Variants in PLAUR observed in about 807,000 individuals in gnomAD.
The protein encoded by PLAUR is urokinase plasminogen activator surface receptor.
A neutral mutation model predicts 33.4 loss-of-function variants in PLAUR; 22 were observed. The ratio of observed to expected loss-of-function variants is 0.66; its 90% CI spans 0.47 to 0.94. The LOEUF is 0.94. Among genes scored for constraint, PLAUR ranks in the 40% least tolerant of loss-of-function variants. The pLI is 0.00. For missense variants in PLAUR, 408 were observed against 434.7 expected (o/e 0.94, Z 0.55); for synonymous variants, 148 against 167.3 (o/e 0.88, Z 0.89).
chr19:43,653,461 T>G (rs1410075557), intron 5 of PLAUR, among the ~76,000 whole-genome samples: 1 of 152,214 alleles, frequency 6.6e-6, no homozygotes, highest in Non-Finnish European at 1.5e-5. Flanking sequence ...GATATTCATC[T>G]GCAAGGGCCA....
Position 43,651,545 on chromosome 19 carries a change from G to A in PLAUR, c.754+680C>T, listed in dbSNP as rs139730848. Among the ~76,000 whole-genome samples, 1,635 of 150,274 alleles carry A rather than the reference G, an allele frequency of 0.011. 66 individuals are homozygous for A. In the East Asian group the frequency reaches 0.16, roughly 15 times the overall value. On this transcript the variant is annotated intron_variant, in intron 6 of 6. Transcript: ENST00000340093. ...CTCCTCCTGGGTTCAAGTGATTCTC[G>A]TGCCTCAGCCCCCTGAGTAGCTGGG...
chr19:43,647,595 T>C (rs1167576764), downstream of PLAUR, among the ~76,000 whole-genome samples: 1 of 152,036 alleles, frequency 6.6e-6, no homozygotes, highest in East Asian at 1.9e-4. Context: ...TCACCTGAGG[T>C]TGGGAGTTTG....
intron 5 of PLAUR, among the ~76,000 whole-genome samples, chr19:43,652,796 G>A (rs1191085913): frequency 5.3e-5 from 8 of 151,904 alleles, no homozygotes; most frequent in Non-Finnish European, 7.4e-5. Context: ...GACTACAGGC[G>A]TGCACCACCA....
intron 3 of PLAUR, among the ~76,000 whole-genome samples, chr19:43,660,319 C>T (rs1391820472): frequency 7.2e-6 from 1 of 138,544 alleles, no homozygotes; most frequent in Non-Finnish European, 1.5e-5. Flanking sequence ...GTGTGTGCCA[C>T]CATACCCGGC....
At chr19:43,652,170 G>A (rs1974019168) in intron 6 of PLAUR, 55 bp downstream of exon 6, 1 of 1,594,180 alleles carries the variant, frequency 6.3e-7, no homozygotes, top group East Asian at 2.2e-5. Flanking sequence ...TCAATCTCTT[G>A]CGGAACTCTC....
At chr19:43,658,811 CT>C (rs1974314561) in intron 3 of PLAUR, among the ~76,000 whole-genome samples, 1 of 152,192 alleles carries the variant, frequency 6.6e-6, no homozygotes, top group Non-Finnish European at 1.5e-5. Context: ...AATCGTCCCC[CT>C]CAAAGAAAAA....
chr19:43,656,539 G>A lies in PLAUR; in HGVS notation c.412C>T (p.Arg138Cys), dbSNP rs200652261. The change falls in exon 4 of 7, where the codon CGC (arginine) becomes TGC (cysteine). Residue 138 changes from arginine to cysteine, a missense_variant. Transcript: ENST00000340093. ...TCCAGGCACTGTTCTTCAGGGCTGC[G>A]GCACTGCAGGCTCTGGTGCCGGCCC... ...ERGRHQSLQC[R>C]SPEEQCLDVV... 16 of 1,611,898 alleles carry A rather than the reference G, an allele frequency of 9.9e-6. No homozygotes were observed. Among genetic ancestry groups the A allele is most frequent in the East Asian group, 2.2e-5 (1 of 44,792 alleles).
chr19:43,670,060 C>T lies in PLAUR; in HGVS notation c.55+6G>A. 1.2e-6 allele frequency: 2 copies of T among 1,613,276 alleles called. No individual in the cohort carries two copies. The highest frequency in any genetic ancestry group is 1.7e-6 in the Non-Finnish European group (2 of 1,179,634). On this transcript the variant is annotated splice_donor_region_variant and intron_variant, in intron 1 of 6. Transcript: ENST00000340093. ...CAGGCGCAGGCGTTCGGGACCCAGC[C>T]CCTACCTGGGACGCAGGTGTGGAGC...
chr19:43,656,891 C>T (rs1191341168), intron 3 of PLAUR: 3 of 364,690 alleles, frequency 8.2e-6, no homozygotes, highest in Non-Finnish European at 1.5e-5. Context: ...TTGTCACCCC[C>T]TACTCACCCC....
rs1384174127 is a variant in PLAUR at position 43,652,144 on chromosome 19, C to T, written c.754+81G>A. The T allele has an allele frequency of 3.2e-6, 5 of 1,575,088 alleles. No homozygotes were observed. The East Asian group carries it at 1.1e-4, about 36-fold the overall frequency. Reference sequence around the variant, plus strand: ...ACAGGGAGACCCACCACAGTTAACTCCAGCTTAACTGGAAGTCAATCTCTT... The same window carrying T: ...ACAGGGAGACCCACCACAGTTAACTTCAGCTTAACTGGAAGTCAATCTCTT... On this transcript the variant is annotated intron_variant, in intron 6 of 6. Transcript: ENST00000340093.
At chr19:43,652,156 G>A in intron 6 of PLAUR, 69 bp downstream of exon 6, 7 of 1,582,498 alleles carry the variant, frequency 4.4e-6, no homozygotes, top group Middle Eastern at 2.1e-4. Context: ...AGCTTAACTG[G>A]AAGTCAATCT....
Position 43,655,444 on chromosome 19 carries a change from C to G in PLAUR, c.602G>C (p.Gly201Ala). ...KCCNTTKCNE[G>A]PILELENLPQ... ...CTGTGTCTCCCGTTCCTTACTTGGG[C>G]CCTCGTTGCATTTGGTGGTGTTGCA... Residue 201 changes from glycine (G) to alanine (A), a missense_variant, in exon 5 of 7, where the codon GGC (glycine) becomes GCC (alanine). By Grantham distance (60) the Gly-to-Ala change is moderately conservative (BLOSUM62 0). Coordinates refer to ENST00000340093, the MANE Select transcript of PLAUR (RefSeq NM_002659.4). 1 of 1,614,044 alleles carries G rather than the reference C, an allele frequency of 6.2e-7. No individual in the cohort carries two copies. Among genetic ancestry groups the G allele is most frequent in the Non-Finnish European group, 8.5e-7 (1 of 1,179,936 alleles).
In PLAUR at chr19:43,651,821, G is replaced by A. The variant is rs555351321; in HGVS notation, c.754+404C>T. The A allele has an allele frequency of 4.0e-6, 4 of 1,010,954 alleles. No individual in the cohort carries two copies. In the South Asian group the frequency reaches 1.6e-4, roughly 40 times the overall value. 62.6% of individuals were successfully genotyped at this position (1,010,954 alleles called of 1,614,324 possible). ...ACAGAGACCTTTCCAGGACACCACAGGATGAAAGCCCAAGATGTCTTCAGC... is the reference window on the plus strand; with the variant it reads ...ACAGAGACCTTTCCAGGACACCACAAGATGAAAGCCCAAGATGTCTTCAGC... On this transcript the variant is annotated intron_variant, in intron 6 of 6. Transcript: ENST00000340093.
chr19:43,663,121 C>G (rs1967074756), intron 3 of PLAUR, among the ~76,000 whole-genome samples: 1 of 152,168 alleles, frequency 6.6e-6, no homozygotes, highest in Non-Finnish European at 1.5e-5. Flanking sequence ...CTACTCTTCC[C>G]TCATCCCAGC....
At chr19:43,654,121 C>T (rs139930423) in intron 5 of PLAUR, among the ~76,000 whole-genome samples, 4 of 145,642 alleles carry the variant, frequency 2.7e-5, no homozygotes, top group Admixed American at 1.4e-4. Context: ...AAGACTCCAT[C>T]TCAGAAAAAA....
chr19:43,654,972 GTTC>G (rs1401262818), intron 5 of PLAUR, among the ~76,000 whole-genome samples: 15 of 151,920 alleles, frequency 9.9e-5, no homozygotes, highest in African/African-American at 2.7e-4. Context: ...TCCTTACGAA[GTTC>G]TTCTTTGAAG....
chr19:43,665,246 G>C, intron 3 of PLAUR, 70 bp downstream of exon 3: 1 of 1,502,034 alleles, frequency 6.7e-7, no homozygotes, highest in Non-Finnish European at 9.3e-7. Flanking sequence ...TTAAGAATAG[G>C]ATTGGGATGA....
rs748741349 is a variant in PLAUR, at chr19:43,649,001, A to G, written c.897T>C (p.Asp299=). ...TKSGCNHPDL[D]VQYRSGAAPQ... ...GAGCAGCCCCACTGCGGTACTGGAC[A>G]TCCAGGTCTGGGTGGTTACAGCCAC... is the stretch of plus-strand genomic sequence containing the variant. Residue 299 remains aspartate, a synonymous_variant, in exon 7 of 7, where the codon GAT becomes GAC. Coordinates refer to ENST00000340093, the MANE Select transcript of PLAUR (RefSeq NM_002659.4). 6.2e-7 allele frequency: 1 copy of G among 1,614,184 alleles called. No individual in the cohort carries two copies. The highest frequency in any genetic ancestry group is 8.5e-7 in the Non-Finnish European group (1 of 1,180,016).
chr19:43,668,693 C>T (rs2146296549), intron 1 of PLAUR, among the ~76,000 whole-genome samples: 1 of 151,940 alleles, frequency 6.6e-6, no homozygotes, highest in East Asian at 1.9e-4. Context: ...AGGTTCCAGC[C>T]CCGCCCTCTA....
Sources: allele counts gnomAD v4.1 joint callset (sites outside exome capture counted in the v4.1 genomes callset), GRCh38; gene constraint gnomAD v4.1.1; transcripts MANE v1.5; gene names NCBI Gene and HGNC (gene_info 2026-07-23, HGNC 2026-07-21).